DRC3: variants seen among roughly 807,000 people sequenced by gnomAD.
The protein encoded by DRC3 is dynein regulatory complex subunit 3.
DRC3 carries 45 observed loss-of-function variants against 57.6 expected under a neutral mutation model. That is an observed-to-expected ratio of 0.78 (90% CI 0.62 to 1.00). The LOEUF is 1.00. Among genes scored for constraint, DRC3 ranks in the 50% least tolerant of loss-of-function variants. DRC3 has a pLI of 0.00. For missense variants in DRC3, 655 were observed against 675.2 expected (o/e 0.97, Z 0.33); for synonymous variants, 257 against 272.3 (o/e 0.94, Z 0.55).
At chr17:18,007,655 C>T in intron 12 of DRC3, 1 of 1,374,772 alleles carries the variant, frequency 7.3e-7, no homozygotes, top group Non-Finnish European at 9.4e-7. Flanking sequence ...TCCCTGGGGT[C>T]TGCACGCTAA....
intron 9 of DRC3, among the ~76,000 whole-genome samples, chr17:18,000,222 C>T (rs1730924875): frequency 1.4e-5 from 2 of 140,202 alleles, no homozygotes. Flanking sequence ...GCATAGCATG[C>T]CGTTCTGTAC....
intron 12 of DRC3, chr17:18,015,701 T>C (rs530882834): frequency 4.2e-5 from 8 of 191,920 alleles, no homozygotes; most frequent in Non-Finnish European, 7.7e-5. Flanking sequence ...GCAGAGGTTT[T>C]GGGCAAGTTA....
At chr17:18,010,839 C>G in intron 12 of DRC3, 1 of 364,358 alleles carries the variant, frequency 2.7e-6, no homozygotes, top group South Asian at 2.2e-5. Context: ...TGGTCAAGGA[C>G]ATGAAGATCA....
intron 12 of DRC3, among the ~76,000 whole-genome samples, chr17:18,009,913 A>G (rs544724754): frequency 2.0e-5 from 3 of 152,356 alleles, no homozygotes; most frequent in South Asian, 4.1e-4. Flanking sequence ...CAGAACGTAC[A>G]TGCTGAGGAG....
chr17:18,009,708 G>C (rs114309522), intron 12 of DRC3, among the ~76,000 whole-genome samples: 2,414 of 152,264 alleles, frequency 0.016, 69 homozygotes, highest in African/African-American at 0.055. Flanking sequence ...TCAGAGGAGG[G>C]ACTAGGGCTG....
intron 6 of DRC3, 131 bp downstream of exon 6, chr17:17,993,042 C>T (rs758536432): frequency 3.2e-6 from 3 of 923,778 alleles, no homozygotes; most frequent in African/African-American, 1.7e-5. Context: ...GCTCCCTCTT[C>T]CTAATCCCTT....
intron 5 of DRC3, 199 bp downstream of exon 5, chr17:17,988,297 G>A (rs922349920): frequency 1.7e-5 from 10 of 601,464 alleles, no homozygotes; most frequent in South Asian, 1.0e-4. Context: ...AAAATTCATC[G>A]GAGAGCACTA....
At chr17:17,998,236 A>T (rs1597609810) in intron 9 of DRC3, among the ~76,000 whole-genome samples, 1 of 152,146 alleles carries the variant, frequency 6.6e-6, no homozygotes, top group Non-Finnish European at 1.5e-5. Flanking sequence ...GCTGAGGCTC[A>T]CAGAAGAAAG....
chr17:17,997,633 C>T lies in DRC3; in HGVS notation c.998C>T (p.Ser333Leu), dbSNP rs1425839444. Residue 333 changes from serine (S) to leucine (L), a missense_variant and splice_region_variant, in exon 9 of 14, where the codon TCG becomes TTG. Transcript: ENST00000399187. ...GCCAAATTCGAGGAGAAGCACTTGT[C>T]GGTAGGCCCCGAGCCTCCTGAGGCC... ...KIAKFEEKHL[S>L]SLSAIREELE... 3.1e-6 allele frequency: 5 copies of T among 1,597,410 alleles called. No individual in the cohort carries two copies. The highest frequency in any genetic ancestry group is 1.1e-5 in the South Asian group (1 of 88,414).
At chr17:18,006,689 C>A in intron 11 of DRC3, 1 of 375,594 alleles carries the variant, frequency 2.7e-6, no homozygotes, top group South Asian at 2.7e-5. Context: ...TGGTCCTGCC[C>A]TCCTGGGGCT....
chr17:18,003,341 C>T (rs903239772), intron 9 of DRC3, among the ~76,000 whole-genome samples: 1 of 151,484 alleles, frequency 6.6e-6, no homozygotes, highest in Admixed American at 6.6e-5. Context: ...AAAAAATTAG[C>T]CGGTCATAAT....
At chr17:18,012,179 A>G (rs1053074632) in intron 12 of DRC3, among the ~76,000 whole-genome samples, 3 of 152,244 alleles carry the variant, frequency 2.0e-5, no homozygotes, top group Non-Finnish European at 4.4e-5. Context: ...CCAATGAAAC[A>G]GAATAGAGAA....
rs745383032 is a variant in DRC3 at position 17,994,952 on chromosome 17, G to A, written c.712-47G>A. 5 of 1,354,136 alleles carry A rather than the reference G, an allele frequency of 3.7e-6. No individual in the cohort carries two copies. The South Asian group carries it at 4.7e-5, about 13-fold the overall frequency. 83.9% of individuals were successfully genotyped at this position (1,354,136 alleles called of 1,614,324 possible). A position where few individuals can be genotyped will look rare whatever the true frequency, so the allele number is the denominator to read the frequency against. ...CTCATGGGCCTGTGAGATGATGCAGGGGCCCCTGACAGGAGCCGTCCTACC... is the reference window on the plus strand; with the variant it reads ...CTCATGGGCCTGTGAGATGATGCAGAGGCCCCTGACAGGAGCCGTCCTACC... On this transcript the variant is annotated intron_variant, in intron 7 of 13. Coordinates refer to ENST00000399187, the MANE Select transcript of DRC3 (RefSeq NM_031294.4).
intron 9 of DRC3, among the ~76,000 whole-genome samples, chr17:17,999,622 A>G (rs1053434450): frequency 5.9e-5 from 9 of 152,340 alleles, no homozygotes; most frequent in African/African-American, 2.2e-4. Flanking sequence ...TGCTGCAGCC[A>G]TGTAAGGCTT....
intron 1 of DRC3, chr17:17,973,651 A>T (rs969628316): frequency 6.6e-6 from 1 of 151,994 alleles, no homozygotes; most frequent in African/African-American, 2.4e-5. Flanking sequence ...TTTTATTTTT[A>T]AAAATGGAGA....
chr17:17,999,064 T>C (rs1387181217), intron 9 of DRC3, among the ~76,000 whole-genome samples: 1 of 152,188 alleles, frequency 6.6e-6, no homozygotes, highest in East Asian at 1.9e-4. Flanking sequence ...CTGTAGCCAC[T>C]GGGCTTGGGA....
At chr17:17,994,267 TG>T in intron 6 of DRC3, 31 bp from the exon 7 acceptor site, 1 of 1,547,104 alleles carries the variant, frequency 6.5e-7, no homozygotes, top group Non-Finnish European at 8.7e-7. Context: ...GAGGAACCTC[TG>T]GTAACAATGC....
intron 2 of DRC3, chr17:17,977,350 G>A (rs892882529): frequency 3.9e-6 from 2 of 514,146 alleles, no homozygotes; most frequent in East Asian, 3.6e-5. Flanking sequence ...AGCTGTGGCT[G>A]TAGGGTCAAG....
At position 17,992,842 on chromosome 17, in the gene DRC3, C is replaced by T. The variant is rs756555093; in HGVS notation, c.522C>T (p.Tyr174=). The T allele has an allele frequency of 1.2e-6, 2 of 1,613,974 alleles. No homozygotes were observed. The highest frequency in any genetic ancestry group is 3.3e-5 in the Admixed American group (2 of 60,024). ...SRNPISEAED[Y]KMFICAYLPD... ...ACCCTATCTCTGAGGCAGAGGATTA[C>T]AAGATGTTCATCTGTGCCTACCTTC... is the stretch of plus-strand genomic sequence containing the variant. The change falls in exon 6 of 14, where the codon TAC becomes TAT. Residue 174 remains tyrosine, a synonymous_variant. Transcript: ENST00000399187.
Sources: gnomAD v4.1 joint callset for allele counts (sites outside exome capture counted in the v4.1 genomes callset) on GRCh38, gnomAD v4.1.1 for gene constraint, MANE v1.5 for transcripts, NCBI Gene and HGNC (gene_info 2026-07-23, HGNC 2026-07-21) for gene names.